The following STRBP variants were observed in gnomAD, a reference collection of about 807,000 sequenced individuals.
The protein encoded by STRBP is spermatid perinuclear RNA binding protein, also known as spermatid perinuclear RNA-binding protein.
In STRBP, 13 loss-of-function variants were observed where a neutral mutation model predicts 80.1. The ratio of observed to expected loss-of-function variants is 0.16; its 90% CI spans 0.11 to 0.26. The LOEUF is 0.26. Ranked by LOEUF, STRBP falls within the 10% of genes least tolerant of loss-of-function variation. The pLI is 1.00. For synonymous variants in STRBP, 284 were observed against 291.2 expected (o/e 0.98, Z 0.25); for missense variants, 485 against 815.2 (o/e 0.59, Z 4.93).
chr9:123,165,844 T>A (rs2037735226), intron 6 of STRBP, among the ~76,000 whole-genome samples: 1 of 152,156 alleles, frequency 6.6e-6, no homozygotes, highest in Non-Finnish European at 1.5e-5. Context: ...CATAGGGCCA[T>A]GTGAGGGCTT....
intron 8 of STRBP, among the ~76,000 whole-genome samples, chr9:123,160,088 TG>T (rs1351647743): frequency 2.6e-5 from 4 of 152,170 alleles, no homozygotes; most frequent in African/African-American, 9.6e-5. Flanking sequence ...CAAAGTCAAG[TG>T]TAAGAAGACA....
intron 2 of STRBP, among the ~76,000 whole-genome samples, chr9:123,188,937 G>A (rs1055004394): frequency 5.9e-5 from 9 of 151,690 alleles, no homozygotes; most frequent in South Asian, 2.1e-4. Context: ...AAGAACCACC[G>A]CACATCTACA....
At chr9:123,127,918 G>C (rs2035961556) in intron 18 of STRBP, among the ~76,000 whole-genome samples, 1 of 152,198 alleles carries the variant, frequency 6.6e-6, no homozygotes. Context: ...AGTAGCCTTT[G>C]AATGGAGTAT....
intron 2 of STRBP, among the ~76,000 whole-genome samples, chr9:123,218,355 CTTTTT>C (rs10689260): frequency 0.062 from 6,271 of 101,710 alleles, 55 homozygotes; most frequent in Middle Eastern, 0.085. Flanking sequence ...TTAAATATGA[CTTTTT>C]TTTTTTTTTT....
chr9:123,201,292 G>A (rs2039317768), intron 2 of STRBP, among the ~76,000 whole-genome samples: 1 of 152,026 alleles, frequency 6.6e-6, no homozygotes, highest in African/African-American at 2.4e-5. Context: ...AGTTCCTTGA[G>A]GTGTGACATT....
chr9:123,211,697 C>T (rs986351350), intron 2 of STRBP, among the ~76,000 whole-genome samples: 2 of 152,108 alleles, frequency 1.3e-5, no homozygotes, highest in Non-Finnish European at 2.9e-5. Flanking sequence ...TAGGCCAAAT[C>T]GGTTCAACTA....
At chr9:123,160,149 G>C (rs937284506) in intron 8 of STRBP, among the ~76,000 whole-genome samples, 2 of 152,160 alleles carry the variant, frequency 1.3e-5, no homozygotes, top group Admixed American at 1.3e-4. Flanking sequence ...AATATTTCAA[G>C]CTCTGTAACA....
At chr9:123,237,622 C>A (rs1047295472) in intron 1 of STRBP, among the ~76,000 whole-genome samples, 26 of 151,704 alleles carry the variant, frequency 1.7e-4, no homozygotes, top group Non-Finnish European at 1.5e-5. Flanking sequence ...TCACCTACGT[C>A]CCCAAATGCC....
At chr9:123,232,563 C>T (rs1013336956) in intron 2 of STRBP, among the ~76,000 whole-genome samples, 6 of 152,156 alleles carry the variant, frequency 3.9e-5, no homozygotes, top group African/African-American at 1.4e-4. Flanking sequence ...GCAAGCTGAA[C>T]CAGGGTGGGG....
chr9:123,241,280 T>A (rs1209248788), intron 1 of STRBP, among the ~76,000 whole-genome samples: 2 of 151,816 alleles, frequency 1.3e-5, no homozygotes, highest in Non-Finnish European at 2.9e-5. Context: ...GGCAGCAGAA[T>A]CCCTAGAGTC....
intron 1 of STRBP, among the ~76,000 whole-genome samples, chr9:123,254,124 TA>T (rs1454795255): frequency 6.6e-6 from 1 of 152,098 alleles, no homozygotes; most frequent in Non-Finnish European, 1.5e-5. Flanking sequence ...ACCAACCAAC[TA>T]AGCTGGTTAG....
intron 11 of STRBP, among the ~76,000 whole-genome samples, chr9:123,150,007 G>T (rs2036986472): frequency 6.6e-6 from 1 of 152,158 alleles, no homozygotes; most frequent in African/African-American, 2.4e-5. Flanking sequence ...CAATTTATAT[G>T]TCGTGCTCAG....
At chr9:123,128,165 T>A in intron 18 of STRBP, 49 bp downstream of exon 18, 1 of 1,605,776 alleles carries the variant, frequency 6.2e-7, no homozygotes, top group Non-Finnish European at 8.5e-7. Context: ...GTGCTTTGGA[T>A]TGCTGTGACA....
intron 1 of STRBP, among the ~76,000 whole-genome samples, chr9:123,263,689 C>T (rs1391003546): frequency 2.0e-5 from 3 of 152,084 alleles, no homozygotes; most frequent in East Asian, 3.9e-4. Context: ...TCAAAGCATA[C>T]GGAAATACCA....
chr9:123,124,643 A>G lies in STRBP; in HGVS notation c.*954T>C. ...GCAAAATCACTAATCTTCTATCTGC[A>G]TGAAAAAAGCCAGGGAGTGAACACA... On this transcript the variant is annotated 3_prime_UTR_variant, in exon 19 of 19. Coordinates refer to ENST00000348403, the MANE Select transcript of STRBP (RefSeq NM_018387.5). 2 of 985,450 alleles carry G rather than the reference A, an allele frequency of 2.0e-6. No individual in the cohort carries two copies. The highest frequency in any genetic ancestry group is 2.4e-6 in the Non-Finnish European group (2 of 829,928). 61.0% of individuals were successfully genotyped at this position (985,450 alleles called of 1,614,324 possible).
chr9:123,124,398 C>T lies in STRBP; in HGVS notation c.*1199G>A. 1.0e-6 allele frequency: 1 copy of T among 985,404 alleles called. No individual in the cohort carries two copies. The highest frequency in any genetic ancestry group is 1.2e-6 in the Non-Finnish European group (1 of 829,942). The allele number at this position is 985,404 out of a possible 1,614,324, so 61.0% of individuals were successfully genotyped here. A position where few individuals can be genotyped will look rare whatever the true frequency, so the allele number is the denominator to read the frequency against. ...TGCAAGTGGAGGACTTAGGTCTGCA[C>T]CCTTTACAGAACAGCACAATGTTAC... On this transcript the variant is annotated 3_prime_UTR_variant, in exon 19 of 19. Coordinates refer to ENST00000348403, the MANE Select transcript of STRBP (RefSeq NM_018387.5).
chr9:123,178,528 A>G (rs1271116413), intron 4 of STRBP, among the ~76,000 whole-genome samples: 2 of 152,212 alleles, frequency 1.3e-5, no homozygotes, highest in South Asian at 2.1e-4. Context: ...ATGATATGCA[A>G]GACACTGCTA....
chr9:123,186,487 A>G lies in STRBP; in HGVS notation c.-164-2189T>C, dbSNP rs988163656. Among the ~76,000 whole-genome samples the G allele has an allele frequency of 3.3e-5, 5 of 152,204 alleles. No homozygotes were observed. The East Asian group carries it at 9.6e-4, about 29-fold the overall frequency. ...ATTTAGCATGGGGGGTAACTACCCT[A>G]CCATCAAGAACCTCTGGGAACTTCA... is the stretch of plus-strand genomic sequence containing the variant. On this transcript the variant is annotated intron_variant, in intron 2 of 18. Transcript: ENST00000348403.
intron 3 of STRBP, chr9:123,112,406 G>T (rs1415077233): frequency 6.0e-6 from 1 of 167,232 alleles, no homozygotes; most frequent in Non-Finnish European, 1.5e-5. Flanking sequence ...AGCCCTAGCC[G>T]CCCCTTCGCA....
Sources: allele counts gnomAD v4.1 joint callset (sites outside exome capture counted in the v4.1 genomes callset), GRCh38; gene constraint gnomAD v4.1.1; transcripts MANE v1.5; gene names NCBI Gene and HGNC (gene_info 2026-07-23, HGNC 2026-07-21).